Variants in BAZ2A observed in about 807,000 individuals in gnomAD.
BAZ2A encodes bromodomain adjacent to zinc finger domain protein 2A.
A neutral mutation model predicts 199.9 loss-of-function variants in BAZ2A; 34 were observed. The observed-to-expected ratio is 0.17, with a 90% CI of 0.13 to 0.23. BAZ2A has a LOEUF of 0.23. Among genes scored for constraint, BAZ2A ranks in the 10% least tolerant of loss-of-function variants. The pLI, the probability that BAZ2A is intolerant of heterozygous loss-of-function variation, is 1.00. For missense variants in BAZ2A, 2,002 were observed against 2,391.1 expected, an observed-to-expected ratio of 0.84 and a Z score of 3.39; for synonymous variants, 857 against 883.9, an observed-to-expected ratio of 0.97 and a Z score of 0.54.
chr12:56,612,271 G>T, intron 5 of BAZ2A, 25 bp from the exon 6 acceptor site: 1 of 1,567,450 alleles, frequency 6.4e-7, no homozygotes, highest in African/African-American at 1.4e-5. Context: ...GACAGGATAG[G>T]CTTTAAAAAA....
Position 56,603,345 on chromosome 12 carries a change from T to C in BAZ2A, c.3279+14A>G, listed in dbSNP as rs755771886. The C allele has an allele frequency of 3.7e-6, 6 of 1,613,418 alleles. No individual in the cohort carries two copies. The African/African-American group carries it at 5.3e-5, about 14-fold the overall frequency. ...CCCATATCTCCAACTCTTGGGAGGT[T>C]AGAAGCACAATACCTTGCTGAGTTT... On this transcript the variant is annotated intron_variant, in intron 18 of 28. Transcript: ENST00000549884.
chr12:56,627,859 A>G (rs1951154630), intron 1 of BAZ2A, among the ~76,000 whole-genome samples: 1 of 150,758 alleles, frequency 6.6e-6, no homozygotes, highest in East Asian at 1.9e-4. Context: ...GAAAGAGAAA[A>G]GAAAAGAGAG....
chr12:56,604,937 G>GA (rs1451817593), intron 14 of BAZ2A, 136 bp downstream of exon 14: 1 of 1,378,800 alleles, frequency 7.3e-7, no homozygotes, highest in African/African-American at 1.5e-5. Context: ...AAAAGAAAAG[G>GA]AAAAAATAAA....
At chr12:56,631,999 G>C (rs998126402), upstream of BAZ2A, among the ~76,000 whole-genome samples, 1 of 152,124 alleles carries the variant, frequency 6.6e-6, no homozygotes, top group African/African-American at 2.4e-5. Flanking sequence ...AGAAGGCTAA[G>C]GGGGTTTCTC....
chr12:56,622,736 G>A (rs1190104511), intron 1 of BAZ2A, among the ~76,000 whole-genome samples: 1 of 152,142 alleles, frequency 6.6e-6, no homozygotes, highest in Non-Finnish European at 1.5e-5. Flanking sequence ...TCTCATACCA[G>A]GAAGTACATT....
chr12:56,634,296 G>A (rs549568497), upstream of BAZ2A, among the ~76,000 whole-genome samples: 1 of 152,208 alleles, frequency 6.6e-6, no homozygotes, highest in South Asian at 2.1e-4. Flanking sequence ...ACAAGATTCC[G>A]GCAGCGCCCT....
rs751838423 is a variant in BAZ2A, at chr12:56,611,947, AGACTGCTGGGAG to A, written c.1423_1434del (p.Leu475_Val478del). ...GAAGCCGTCAACGGGACTTCTAAGG[AGACTGCTGGGAG>A]GACTGCTGAGGAAGCTGGAGAGACC... On this transcript the variant is annotated inframe_deletion, in exon 6 of 29. Transcript: ENST00000549884. 4.3e-6 allele frequency: 7 copies of A among 1,612,790 alleles called. No homozygotes were observed. The highest frequency in any genetic ancestry group is 1.3e-5 in the African/African-American group (1 of 74,854).
Position 56,599,638 on chromosome 12 carries a change from G to A in BAZ2A, c.5172+64C>T, listed in dbSNP as rs940864939. ...CAGTCTAGGACTCTTTCCAAGGAGA[G>A]GAGAGATTGAGGATAATCTCTGATT... is the stretch of plus-strand genomic sequence containing the variant. On this transcript the variant is annotated intron_variant, in intron 26 of 28. Transcript: ENST00000549884. 10 of 1,605,288 alleles carry A rather than the reference G, an allele frequency of 6.2e-6. No individual in the cohort carries two copies. The African/African-American group carries it at 8.0e-5, about 13-fold the overall frequency.
rs777647882 is a variant in BAZ2A at position 56,599,002 on chromosome 12, C to T, written c.5412G>A (p.Leu1804=). 6.2e-7 allele frequency: 1 copy of T among 1,611,136 alleles called. No individual in the cohort carries two copies. Among genetic ancestry groups the T allele is most frequent in the African/African-American group, 1.3e-5 (1 of 74,874 alleles). ...HSDLTFCEII[L]MEMESHDAAW... is the part of the protein sequence containing the mutation. ...CTGCATCATGGGACTCCATCTCCAT[C>T]AGGATAATCCTATCATTAGAGGGAC... Residue 1804 remains leucine (L), a synonymous_variant, in exon 28 of 29, where the codon CTG becomes CTA. Coordinates refer to ENST00000549884, the MANE Select transcript of BAZ2A (RefSeq NM_001300905.2).
At position 56,615,368 on chromosome 12, in the gene BAZ2A, C is replaced by G. The variant is rs201489290; in HGVS notation, c.376G>C (p.Gly126Arg). 32 of 1,613,578 alleles carry G rather than the reference C, an allele frequency of 2.0e-5. No homozygotes were observed. In the Admixed American group the frequency reaches 5.2e-4, roughly 26 times the overall value. The change falls in exon 3 of 29, where the codon GGG (glycine) becomes CGG (arginine). Residue 126 changes from glycine to arginine, a missense_variant. Transcript: ENST00000549884. ...GGGGATGAAGGTTGCCGGCTGCCCC[C>G]AAGGATGCCGTTGAGTGGGTATTGT... ...GGQYPLNGIL[G>R]GSRQPSSPSH...
In BAZ2A at chr12:56,615,326, G is replaced by A. The variant is rs761674707; in HGVS notation, c.418C>T (p.Leu140Phe). 10 of 1,613,814 alleles carry A rather than the reference G, an allele frequency of 6.2e-6. No individual in the cohort carries two copies. Among genetic ancestry groups the A allele is most frequent in the African/African-American group, 2.7e-5 (2 of 74,902 alleles). ...CAGAACTCTTGGCTCCCAGCCCGAAGGTTAGTGTTATGACTTGGGGATGAA... is the reference window on the plus strand; with the variant it reads ...CAGAACTCTTGGCTCCCAGCCCGAAAGTTAGTGTTATGACTTGGGGATGAA... The part of the protein sequence containing the change: ...QPSSPSHNTN[L>F]RAGSQEFWAN... The change falls in exon 3 of 29, where the codon CTT becomes TTT. Residue 140 changes from leucine (L) to phenylalanine (F), a missense_variant. This residue lies in a region of BAZ2A where 641 missense variants were observed against 694.5 expected (regional missense o/e 0.92). Transcript: ENST00000549884.
rs1886247587 is a variant in BAZ2A, at chr12:56,599,773, T to C, written c.5101A>G (p.Ile1701Val). 1.2e-6 allele frequency: 2 copies of C among 1,613,934 alleles called. No homozygotes were observed. The highest frequency in any genetic ancestry group is 2.2e-5 in the East Asian group (1 of 44,872). The change falls in exon 26 of 29, where the codon ATT becomes GTT. Residue 1701 changes from isoleucine (I) to valine (V), a missense_variant. This residue lies in a region of BAZ2A where 8 missense variants were observed against 33.4 expected (regional missense o/e 0.24). Transcript: ENST00000549884. ...LCDGCDRGCH[I>V]YCHRPKMEAV... ...TCCATCTTGGGACGATGGCAGTAAA[T>C]GTGGCAGCCACGGTCACACCCATCA...
chr12:56,602,606 C>T (rs377186207), intron 19 of BAZ2A, 107 bp downstream of exon 19: 79 of 1,413,390 alleles, frequency 5.6e-5, no homozygotes, highest in Non-Finnish European at 6.7e-5. Context: ...TTAACCATTA[C>T]GCTATATTAT....
At chr12:56,612,272 CT>C (rs753108940) in intron 5 of BAZ2A, 26 bp from the exon 6 acceptor site, 11 of 1,542,252 alleles carry the variant, frequency 7.1e-6, no homozygotes, top group Admixed American at 1.9e-5. Flanking sequence ...ACAGGATAGG[CT>C]TTAAAAAAAA....
chr12:56,630,275 C>A lies in BAZ2A; in HGVS notation c.-153G>T, dbSNP rs1951266985. ...GGGTTCGGGAAGGGGGAGGGGGACGCGGCTCAACCGCGGGGCCCGAGAGGA... is the reference window on the plus strand; with the variant it reads ...GGGTTCGGGAAGGGGGAGGGGGACGAGGCTCAACCGCGGGGCCCGAGAGGA... On this transcript the variant is annotated 5_prime_UTR_variant, in exon 1 of 29. Coordinates refer to ENST00000549884, the MANE Select transcript of BAZ2A (RefSeq NM_001300905.2). 1.0e-6 allele frequency: 1 copy of A among 984,298 alleles called. No homozygotes were observed. The highest frequency in any genetic ancestry group is 1.2e-6 in the Non-Finnish European group (1 of 828,990). The allele number at this position is 984,298 out of a possible 1,614,324, so 61.0% of individuals were successfully genotyped here. A position where few individuals can be genotyped will look rare whatever the true frequency, so the allele number is the denominator to read the frequency against.
At position 56,598,382 on chromosome 12, in the gene BAZ2A, G is replaced by A. The variant is rs1229029854; in HGVS notation, c.*236C>T. 5 of 430,708 alleles carry A rather than the reference G, an allele frequency of 1.2e-5. No homozygotes were observed. Among genetic ancestry groups the A allele is most frequent in the African/African-American group, 2.0e-5 (1 of 48,950 alleles). 26.7% of individuals were successfully genotyped at this position (430,708 alleles called of 1,614,324 possible). Reference sequence around the variant, plus strand: ...AATTATTTTTTTCTTTCTTTTTTTGGCTTTTAGTCCAGAAGGACCTCATCT... The same window carrying A: ...AATTATTTTTTTCTTTCTTTTTTTGACTTTTAGTCCAGAAGGACCTCATCT... On this transcript the variant is annotated 3_prime_UTR_variant, in exon 29 of 29. Coordinates refer to ENST00000549884, the MANE Select transcript of BAZ2A (RefSeq NM_001300905.2).
In BAZ2A at chr12:56,601,722, G is replaced by A. The variant is rs184471050; in HGVS notation, c.3895C>T (p.Pro1299Ser). The A allele has an allele frequency of 6.2e-7, 1 of 1,614,002 alleles. No homozygotes were observed. The highest frequency in any genetic ancestry group is 2.2e-5 in the East Asian group (1 of 44,890). ...DSSPGKLDPA[P>S]SQPPEEPEPD... ...TCTGGCTCCTCCGGGGGTTGTGATG[G>A]AGCTGGGTCTAGTTTTCCCGGACTG... Residue 1299 changes from proline to serine, a missense_variant, in exon 20 of 29, where the codon CCA (proline) becomes TCA (serine). Transcript: ENST00000549884.
chr12:56,603,991 C>T (rs1950264300), intron 16 of BAZ2A, among the ~76,000 whole-genome samples: 1 of 151,440 alleles, frequency 6.6e-6, no homozygotes, highest in Admixed American at 6.6e-5. Context: ...CCAGCCTAGG[C>T]GACAGAGGAA....
At position 56,613,880 on chromosome 12, in the gene BAZ2A, T is replaced by G. The variant is rs1950635901; in HGVS notation, c.916+73A>C. On this transcript the variant is annotated intron_variant, in intron 4 of 28. Transcript: ENST00000549884. ...CCTGATTGCCTAATACTTTTCCCAT[T>G]TTACTGTCTCTTTCAGGTAAAGTTT... 5 of 1,470,524 alleles carry G rather than the reference T, an allele frequency of 3.4e-6. No homozygotes were observed. The South Asian group carries it at 3.9e-5, about 11-fold the overall frequency. The allele number at this position is 1,470,524 out of a possible 1,614,324, so 91.1% of individuals were successfully genotyped here.
Sources: gnomAD v4.1 joint callset for allele counts (sites outside exome capture counted in the v4.1 genomes callset) on GRCh38, gnomAD v4.1.1 for gene constraint, gnomAD v4.1.1 regional missense constraint, MANE v1.5 for transcripts, NCBI Gene and HGNC (gene_info 2026-07-23, HGNC 2026-07-21) for gene names.